Variants in ATP2A2 observed in about 807,000 individuals in gnomAD.
ATP2A2 encodes the protein ATPase sarcoplasmic/endoplasmic reticulum Ca2+ transporting 2, also known as sarcoplasmic/endoplasmic reticulum calcium ATPase 2.
ATP2A2 carries 14 observed loss-of-function variants against 109.3 expected under a neutral mutation model. The observed-to-expected ratio is 0.13, with a 90% CI of 0.08 to 0.20. ATP2A2 has a LOEUF of 0.20. Ranked by LOEUF, ATP2A2 falls within the 10% of genes least tolerant of loss-of-function variation. ATP2A2 has a pLI of 1.00. For synonymous variants in ATP2A2, 506 were observed against 490.9 expected, an observed-to-expected ratio of 1.03 and a Z score of -0.41; for missense variants, 657 against 1,321.6, an observed-to-expected ratio of 0.50 and a Z score of 7.80.
intron 16 of ATP2A2, among the ~76,000 whole-genome samples, chr12:110,343,811 G>C (rs1879585547): frequency 6.6e-6 from 1 of 152,192 alleles, no homozygotes; most frequent in African/African-American, 2.4e-5. Context: ...GTTTCCATAA[G>C]AGAAGGGTTG....
intron 3 of ATP2A2, among the ~76,000 whole-genome samples, chr12:110,291,790 G>C (rs1479092393): frequency 6.6e-6 from 1 of 151,738 alleles, no homozygotes; most frequent in Non-Finnish European, 1.5e-5. Flanking sequence ...GGGATTACAG[G>C]CACCTACCAC....
chr12:110,313,740 C>T (rs1876359303), intron 5 of ATP2A2, among the ~76,000 whole-genome samples: 2 of 126,902 alleles, frequency 1.6e-5, no homozygotes, highest in South Asian at 2.6e-4. Flanking sequence ...GACAAAGTCT[C>T]GGCTCTGTCA....
intron 5 of ATP2A2, among the ~76,000 whole-genome samples, chr12:110,311,275 G>T (rs747430083): frequency 2.0e-5 from 3 of 152,198 alleles, no homozygotes; most frequent in African/African-American, 4.8e-5. Context: ...AGGTCTCACT[G>T]TGTCACTCAG....
chr12:110,321,952 T>G (rs1212892527), intron 5 of ATP2A2, among the ~76,000 whole-genome samples: 1 of 152,210 alleles, frequency 6.6e-6, no homozygotes, highest in African/African-American at 2.4e-5. Context: ...CTTAAAGATC[T>G]TCAGGTTATG....
intron 3 of ATP2A2, among the ~76,000 whole-genome samples, chr12:110,288,550 G>A (rs571403472): frequency 3.1e-4 from 47 of 151,962 alleles, no homozygotes; most frequent in African/African-American, 1.1e-3. Context: ...GATTACAGGC[G>A]TCCACCACCA....
chr12:110,339,581 A>C lies in ATP2A2; in HGVS notation c.1621A>C (p.Lys541Gln), dbSNP rs1471327328. The change falls in exon 13 of 20, where the codon AAA (lysine) becomes CAA (glutamine). Residue 541 changes from lysine to glutamine, a missense_variant. This residue lies in a region of ATP2A2 where 180 missense variants were observed against 329.1 expected (regional missense o/e 0.55). Coordinates refer to ENST00000539276, the MANE Select transcript of ATP2A2 (RefSeq NM_170665.4). The surrounding 1 kb of genome is among the most constrained non-coding windows in gnomAD (Gnocchi z 4.4). ...TAAGGTTCCTATGACCTCTGGAGTC[A>C]AACAGAAGATCATGTCTGTCATTCG... ...STKVPMTSGV[K>Q]QKIMSVIREW... 28 of 1,614,098 alleles carry C rather than the reference A, an allele frequency of 1.7e-5. No individual in the cohort carries two copies. In the Admixed American group the frequency reaches 4.7e-4, roughly 27 times the overall value.
chr12:110,349,970 A>C lies in ATP2A2; in HGVS notation c.*3500A>C, dbSNP rs894450460. ...ACCTCACCCTCTGCACCACTAACCA[A>C]GACCTTGTCCTCTTGCCTGTCTCGC... On this transcript the variant is annotated 3_prime_UTR_variant, in exon 20 of 20. Coordinates refer to ENST00000539276, the MANE Select transcript of ATP2A2 (RefSeq NM_170665.4). 2.4e-6 allele frequency: 3 copies of C among 1,274,644 alleles called. No individual in the cohort carries two copies. The highest frequency in any genetic ancestry group is 3.0e-6 in the Non-Finnish European group (3 of 1,001,712). The allele number at this position is 1,274,644 out of a possible 1,614,324, so 79.0% of individuals were successfully genotyped here.
At chr12:110,282,576 T>A (rs1232150307) in intron 1 of ATP2A2, 28 bp from the exon 2 acceptor site, 1 of 1,613,424 alleles carries the variant, frequency 6.2e-7, no homozygotes, top group Non-Finnish European at 8.5e-7. Flanking sequence ...TCTTGACACA[T>A]TGCTTGACGA....
rs139307921 is a variant in ATP2A2, at chr12:110,344,941, C to T, written c.2577C>T (p.Asp859=). ...CTGCATGGTGGTTCATTGCTGCTGA[C>T]GGTGGTCCAAGAGTGTCCTTCTACC... is the stretch of plus-strand genomic sequence containing the variant. The part of the protein sequence containing the change: ...GAAAWWFIAA[D]GGPRVSFYQL... The change falls in exon 17 of 20, where the codon GAC becomes GAT. Residue 859 remains aspartate (D), a synonymous_variant. Transcript: ENST00000539276. 58 of 1,614,058 alleles carry T rather than the reference C, an allele frequency of 3.6e-5. No homozygotes were observed. Among genetic ancestry groups the T allele is most frequent in the Non-Finnish European group, 4.5e-5 (53 of 1,180,038 alleles).
At chr12:110,345,135 AC>A (rs1381870349) in intron 17 of ATP2A2, 113 bp from the exon 18 acceptor site, 1 of 1,557,880 alleles carries the variant, frequency 6.4e-7, no homozygotes, top group Non-Finnish European at 8.9e-7. Context: ...ATTGGGGTAA[AC>A]CTCTTGGCTG....
chr12:110,302,275 G>A (rs1020896019), intron 5 of ATP2A2, among the ~76,000 whole-genome samples: 8 of 152,078 alleles, frequency 5.3e-5, no homozygotes, highest in Non-Finnish European at 8.8e-5. Context: ...CTGACTTCCA[G>A]TTCCCCTCTT....
At chr12:110,337,798 T>TAA (rs1878979275) in intron 11 of ATP2A2, among the ~76,000 whole-genome samples, 1 of 152,232 alleles carries the variant, frequency 6.6e-6, no homozygotes, top group Non-Finnish European at 1.5e-5. Context: ...ACTAAGACTA[T>TAA]AAAAGTGTGT....
intron 5 of ATP2A2, among the ~76,000 whole-genome samples, chr12:110,299,030 C>A (rs1874268777): frequency 6.6e-6 from 1 of 152,114 alleles, no homozygotes; most frequent in Non-Finnish European, 1.5e-5. Context: ...AGTGCAGTGG[C>A]ACCATCACGG....
chr12:110,315,273 A>G (rs1008143361), intron 5 of ATP2A2, among the ~76,000 whole-genome samples: 4 of 152,220 alleles, frequency 2.6e-5, no homozygotes, highest in African/African-American at 9.6e-5. Flanking sequence ...GTTGGTAGGT[A>G]GGCTGGAGTA....
At chr12:110,286,686 A>G (rs1872695318) in intron 3 of ATP2A2, among the ~76,000 whole-genome samples, 1 of 149,504 alleles carries the variant, frequency 6.7e-6, no homozygotes, top group Non-Finnish European at 1.5e-5. Flanking sequence ...TTTAATTTCC[A>G]TTTCCTCTTT....
intron 11 of ATP2A2, among the ~76,000 whole-genome samples, chr12:110,335,663 C>T (rs373703581): frequency 2.0e-5 from 3 of 152,220 alleles, no homozygotes; most frequent in Admixed American, 6.5e-5. Context: ...CAGTCGGTCA[C>T]GTGGGTGCCA....
intron 6 of ATP2A2, among the ~76,000 whole-genome samples, chr12:110,325,055 C>T (rs974111171): frequency 1.2e-4 from 18 of 151,676 alleles, no homozygotes; most frequent in Non-Finnish European, 5.9e-5. Flanking sequence ...CTGAAGTGAT[C>T]GCCCGCCTCA....
At chr12:110,297,567 C>G (rs894651167) in intron 5 of ATP2A2, among the ~76,000 whole-genome samples, 1 of 152,014 alleles carries the variant, frequency 6.6e-6, no homozygotes, top group African/African-American at 2.4e-5. Context: ...CTCCACAGAC[C>G]TCCAAGGGTC....
rs770949718 is a variant in ATP2A2 at position 110,349,308 on chromosome 12, G to C, written c.*2838G>C. ...GGCAGCAGCTGCCCAGCCCCGCAAT[G>C]TGCCTGCTGTCAGGCAGCTCTTGCC... On this transcript the variant is annotated 3_prime_UTR_variant, in exon 20 of 20. Coordinates refer to ENST00000539276, the MANE Select transcript of ATP2A2 (RefSeq NM_170665.4). 1.0e-6 allele frequency: 1 copy of C among 985,512 alleles called. No homozygotes were observed. The highest frequency in any genetic ancestry group is 1.7e-5 in the African/African-American group (1 of 57,356). The allele number at this position is 985,512 out of a possible 1,614,324, so 61.0% of individuals were successfully genotyped here.
Sources: gnomAD v4.1 joint callset for allele counts (sites outside exome capture counted in the v4.1 genomes callset) on GRCh38, gnomAD v4.1.1 for gene constraint, gnomAD v4.1.1 regional missense constraint, Gnocchi (gnomAD v3.1) non-coding constraint, MANE v1.5 for transcripts, NCBI Gene and HGNC (gene_info 2026-07-23, HGNC 2026-07-21) for gene names.